The following EPHA3 variants were observed in gnomAD, a reference collection of about 807,000 sequenced individuals.
The protein encoded by EPHA3 is ephrin type-A receptor 3.
EPHA3 carries 42 observed loss-of-function variants against 107.1 expected under a neutral mutation model. The ratio of observed to expected loss-of-function variants is 0.39; its 90% confidence interval spans 0.31 to 0.51. The LOEUF (loss-of-function observed/expected upper bound fraction) is 0.51. Among genes scored for constraint, EPHA3 ranks in the 20% least tolerant of loss-of-function variants. The probability of loss-of-function intolerance (pLI) is 0.78; values close to 1 mark genes in which losing one functional copy is unlikely to be tolerated. For synonymous variants in EPHA3, 461 were observed against 424.8 expected, an observed-to-expected ratio of 1.09 and a Z score of -1.05; for missense variants, 1,183 against 1,211.2, an observed-to-expected ratio of 0.98 and a Z score of 0.35.
chr3:89,215,935 A>G (rs1412526096), intron 3 of EPHA3, among the ~76,000 whole-genome samples: 2 of 151,890 alleles, frequency 1.3e-5, no homozygotes, highest in Non-Finnish European at 2.9e-5. Context: ...AATTTAACTC[A>G]CAGGCATTCC....
At chr3:89,219,688 G>GTTTTGTTTT (rs1704308209) in intron 3 of EPHA3, among the ~76,000 whole-genome samples, 1 of 34,440 alleles carries the variant, frequency 2.9e-5, no homozygotes, top group Non-Finnish European at 5.2e-5. Flanking sequence ...ATTTGGCAAT[G>GTTTTGTTTT]TTTTTTTTTT....
rs573757182 is a variant in EPHA3 at position 89,298,993 on chromosome 3, A to G, written c.815-41923A>G. Reference sequence around the variant, plus strand: ...TAAAGTCCTTTTATGCAGGTAAATGACATTATATAAAGATGTGTTGTACAA... The same window carrying G: ...TAAAGTCCTTTTATGCAGGTAAATGGCATTATATAAAGATGTGTTGTACAA... On this transcript the variant is annotated intron_variant, in intron 3 of 16. Coordinates refer to ENST00000336596, the MANE Select transcript of EPHA3 (RefSeq NM_005233.6). Among the ~76,000 whole-genome samples the G allele has an allele frequency of 1.1e-4, 16 of 152,256 alleles. No homozygotes were observed. In the South Asian group the frequency reaches 2.7e-3, roughly 26 times the overall value.
chr3:89,289,923 A>C (rs1706173273), intron 3 of EPHA3, among the ~76,000 whole-genome samples: 1 of 152,122 alleles, frequency 6.6e-6, no homozygotes, highest in African/African-American at 2.4e-5. Context: ...TTGTGGGTAA[A>C]GTTTAGGTTT....
At chr3:89,306,299 T>A (rs768794670) in intron 3 of EPHA3, among the ~76,000 whole-genome samples, 1 of 152,188 alleles carries the variant, frequency 6.6e-6, no homozygotes, top group African/African-American at 2.4e-5. Context: ...TTGAAGCCCA[T>A]GTTCTTAATT....
chr3:89,405,833 A>G (rs1440656866), intron 7 of EPHA3, among the ~76,000 whole-genome samples: 4 of 152,210 alleles, frequency 2.6e-5, no homozygotes, highest in Admixed American at 2.6e-4. Context: ...TGTGTATTTT[A>G]AAATATCTAG....
chr3:89,134,631 G>T (rs1173404672), intron 2 of EPHA3, among the ~76,000 whole-genome samples: 9 of 151,998 alleles, frequency 5.9e-5, no homozygotes, highest in African/African-American at 2.2e-4. Context: ...TCGACATTTG[G>T]GTTGGTTCCA....
At chr3:89,281,215 G>A (rs1184066131) in intron 3 of EPHA3, among the ~76,000 whole-genome samples, 3 of 151,994 alleles carry the variant, frequency 2.0e-5, no homozygotes, top group African/African-American at 7.2e-5. Context: ...TAGTAGAGAC[G>A]GGTTTCACTG....
At chr3:89,154,261 T>G (rs941227454) in intron 2 of EPHA3, among the ~76,000 whole-genome samples, 19 of 149,710 alleles carry the variant, frequency 1.3e-4, no homozygotes, top group Middle Eastern at 3.4e-3. Flanking sequence ...GTTTTTTGGG[T>G]TTTTGTTTGT....
chr3:89,267,423 A>T (rs550727373), intron 3 of EPHA3, among the ~76,000 whole-genome samples: 44 of 152,258 alleles, frequency 2.9e-4, no homozygotes, highest in African/African-American at 1.0e-3. Context: ...TCAGGAAGAC[A>T]GGGAGAAACT....
rs190795369 is a variant in EPHA3, at chr3:89,242,641, G to A, written c.814+32121G>A. Among the ~76,000 whole-genome samples the A allele has an allele frequency of 2.0e-3, 304 of 152,212 alleles. 1 individual carries two copies. Among genetic ancestry groups the A allele is most frequent in the African/African-American group, 7.1e-3 (294 of 41,530 alleles). On this transcript the variant is annotated intron_variant, in intron 3 of 16. Coordinates refer to ENST00000336596, the MANE Select transcript of EPHA3 (RefSeq NM_005233.6). ...TTTAGTAGAGATGGGGTTTCACCAT[G>A]TTAGCCAGGATGGTCTCGATCTCCT...
At chr3:89,477,005 CT>C (rs1710529451) in intron 16 of EPHA3, among the ~76,000 whole-genome samples, 1 of 152,052 alleles carries the variant, frequency 6.6e-6, no homozygotes, top group Non-Finnish European at 1.5e-5. Flanking sequence ...GAGTGAGAAT[CT>C]ATTGATTTGC....
chr3:89,263,510 C>G (rs948084451), intron 3 of EPHA3, among the ~76,000 whole-genome samples: 1 of 152,148 alleles, frequency 6.6e-6, no homozygotes, highest in African/African-American at 2.4e-5. Context: ...GAAAGTGGCT[C>G]TCAGCAGTAA....
intron 3 of EPHA3, among the ~76,000 whole-genome samples, chr3:89,305,101 C>T (rs1465331897): frequency 9.9e-5 from 15 of 152,238 alleles, no homozygotes; most frequent in East Asian, 1.9e-4. Context: ...CTCCTGCATT[C>T]GGAATTGTTC....
chr3:89,374,172 CA>C (rs1332235649), intron 5 of EPHA3, among the ~76,000 whole-genome samples: 1 of 151,718 alleles, frequency 6.6e-6, no homozygotes, highest in Non-Finnish European at 1.5e-5. Context: ...AAAAGTCAGG[CA>C]AAAATACACC....
chr3:89,324,373 G>T (rs1387668403), intron 3 of EPHA3, among the ~76,000 whole-genome samples: 1 of 151,704 alleles, frequency 6.6e-6, no homozygotes, highest in African/African-American at 2.4e-5. Flanking sequence ...GTTTCCCCAT[G>T]TTGGCCAGGC....
At chr3:89,416,989 C>G (rs1471097738) in intron 10 of EPHA3, among the ~76,000 whole-genome samples, 1 of 151,432 alleles carries the variant, frequency 6.6e-6, no homozygotes, top group African/African-American at 2.4e-5. Context: ...AAAGCACTTT[C>G]ATATTCATTT....
chr3:89,352,728 A>T (rs1452612742), intron 5 of EPHA3, among the ~76,000 whole-genome samples: 2 of 150,234 alleles, frequency 1.3e-5, no homozygotes, highest in African/African-American at 4.9e-5. Flanking sequence ...ACATGGTGAA[A>T]CCCTGTCTCT....
intron 2 of EPHA3, among the ~76,000 whole-genome samples, chr3:89,174,911 A>G (rs1250378626): frequency 4.0e-5 from 6 of 151,006 alleles, no homozygotes; most frequent in Non-Finnish European, 7.4e-5. Context: ...TGTGCAGAGG[A>G]AAAAAAAAGC....
chr3:89,202,409 C>T (rs929963019), intron 2 of EPHA3, among the ~76,000 whole-genome samples: 3 of 150,426 alleles, frequency 2.0e-5, no homozygotes, highest in East Asian at 2.0e-4. Context: ...CCAGCTACTC[C>T]GGTGACTGAG....
Sources: gnomAD v4.1 joint callset for allele counts (sites outside exome capture counted in the v4.1 genomes callset) on GRCh38, gnomAD v4.1.1 for gene constraint, MANE v1.5 for transcripts, NCBI Gene and HGNC (gene_info 2026-07-23, HGNC 2026-07-21) for gene names.